Variants in PDIA6 observed in about 807,000 individuals in gnomAD.
The protein encoded by PDIA6 is protein disulfide-isomerase A6.
In PDIA6, 29 loss-of-function variants were observed where a neutral mutation model predicts 58.4. That is an observed-to-expected ratio of 0.50 (90% CI 0.37 to 0.68). The LOEUF (loss-of-function observed/expected upper bound fraction) is 0.68, where lower values mean the gene tolerates loss of function less well. Ranked by LOEUF, PDIA6 falls within the 30% of genes least tolerant of loss-of-function variation. PDIA6 has a pLI of 0.00. For missense variants in PDIA6, 480 were observed against 551.0 expected (o/e 0.87, Z 1.29); for synonymous variants, 192 against 202.6 (o/e 0.95, Z 0.44).
exon 1 of PDIA6, chr2:10,832,367 C>T: frequency 1.0e-6 from 1 of 965,482 alleles, no homozygotes; most frequent in Non-Finnish European, 1.2e-6. Context: ...AATGAGCAAA[C>T]TGCAGCTGCA....
intron 11 of PDIA6, among the ~76,000 whole-genome samples, chr2:10,786,658 T>C (rs1424397110): frequency 2.0e-5 from 3 of 152,192 alleles, no homozygotes; most frequent in Non-Finnish European, 2.9e-5. Flanking sequence ...TTTTGTGTGC[T>C]GAACATCTCT....
chr2:10,794,489 T>A (rs1558443444), intron 4 of PDIA6, among the ~76,000 whole-genome samples: 1 of 141,712 alleles, frequency 7.1e-6, no homozygotes, highest in Non-Finnish European at 1.6e-5. Flanking sequence ...TTTTTTTTTT[T>A]AGAGTTTTCT....
At chr2:10,832,590 G>C (rs925801040), upstream of PDIA6, 1 of 191,712 alleles carries the variant, frequency 5.2e-6, no homozygotes, top group Admixed American at 6.5e-5. Context: ...GGACTCGTGC[G>C]CTTTTCTCTG....
Position 10,802,646 on chromosome 2 carries a change from G to T in PDIA6, c.20-6C>A, listed in dbSNP as rs759759092. 7.0e-7 allele frequency: 1 copy of T among 1,428,696 alleles called. No individual in the cohort carries two copies. Among genetic ancestry groups the T allele is most frequent in the South Asian group, 1.8e-5 (1 of 57,098 alleles). The allele number at this position is 1,428,696 out of a possible 1,614,324, so 88.5% of individuals were successfully genotyped here. On this transcript the variant is annotated splice_polypyrimidine_tract_variant and splice_region_variant and intron_variant, in intron 1 of 12. Transcript: ENST00000272227. The stretch of plus-strand genomic sequence containing the variant: ...GAAGGTACAGCTCACCAGACCTGAA[G>T]ATAAAAACAAAAGTGCACCATTAAC...
In PDIA6 at chr2:10,784,196, C is replaced by G; in HGVS notation, c.*62G>C. ...TCTGAGTGTAGAGAATGTCCCTTCA[C>G]TGCTGGAAAAATCCACTGGCTCCCA... is the stretch of plus-strand genomic sequence containing the variant. On this transcript the variant is annotated 3_prime_UTR_variant, in exon 13 of 13. Transcript: ENST00000272227. 1 of 1,344,886 alleles carries G rather than the reference C, an allele frequency of 7.4e-7. No individual in the cohort carries two copies. Among genetic ancestry groups the G allele is most frequent in the African/African-American group, 1.4e-5 (1 of 69,424 alleles). The allele number at this position is 1,344,886 out of a possible 1,614,324, so 83.3% of individuals were successfully genotyped here. A position where few individuals can be genotyped will look rare whatever the true frequency, so the allele number is the denominator to read the frequency against.
At chr2:10,788,145 G>C in intron 10 of PDIA6, among the ~76,000 whole-genome samples, 1 of 151,350 alleles carries the variant, frequency 6.6e-6, no homozygotes, top group Non-Finnish European at 1.5e-5. Context: ...TAACTCAGAA[G>C]AGGAGAAGGA....
upstream of PDIA6, among the ~76,000 whole-genome samples, chr2:10,836,677 C>T (rs1667838719): frequency 6.6e-6 from 1 of 151,986 alleles, no homozygotes; most frequent in Non-Finnish European, 1.5e-5. Context: ...CTTCATCAGT[C>T]ACCTCAAAAA....
At chr2:10,823,568 A>G (rs1207373996) in intron 1 of PDIA6, among the ~76,000 whole-genome samples, 3 of 152,226 alleles carry the variant, frequency 2.0e-5, no homozygotes, top group African/African-American at 7.2e-5. Context: ...ATTCTTTGGC[A>G]ATTTCTGATA....
intron 1 of PDIA6, chr2:10,810,288 T>A: frequency 6.5e-7 from 1 of 1,535,102 alleles, no homozygotes; most frequent in Non-Finnish European, 8.7e-7. Flanking sequence ...ACCGAAGGGC[T>A]GGAGAATGCA....
chr2:10,820,524 T>C (rs72779459), intron 1 of PDIA6, among the ~76,000 whole-genome samples: 19,548 of 152,294 alleles, frequency 0.13, 1,520 homozygotes, highest in Non-Finnish European at 0.18. Context: ...ATGTCATCGT[T>C]GGCATTCCCC....
At chr2:10,810,302 G>T (rs985524571) in intron 1 of PDIA6, 7 of 1,534,802 alleles carry the variant, frequency 4.6e-6, no homozygotes, top group African/African-American at 2.7e-5. Flanking sequence ...GAATGCAGGG[G>T]TATAATCCAC....
Position 10,788,762 on chromosome 2 carries a change from T to G in PDIA6, c.933A>C (p.Ala311=), listed in dbSNP as rs1303394171. The G allele has an allele frequency of 6.2e-7, 1 of 1,612,042 alleles. No homozygotes were observed. Among genetic ancestry groups the G allele is most frequent in the East Asian group, 2.2e-5 (1 of 44,902 alleles). ...GAACTTCCAGATAAGAATTTCTGCC[T>G]GCAGCTCCTGATTTAAATAGACAAA... The part of the protein sequence containing the change: ...VLPHILDTGA[A]GRNSYLEVLL... Residue 311 remains alanine, a synonymous_variant, in exon 10 of 13, where the codon GCA becomes GCC. Transcript: ENST00000272227.
upstream of PDIA6, among the ~76,000 whole-genome samples, chr2:10,814,785 A>G (rs766276305): frequency 4.3e-4 from 66 of 152,132 alleles, no homozygotes; most frequent in African/African-American, 1.5e-3. Flanking sequence ...CTCACGATCG[A>G]GTTTGTTTTC....
In PDIA6 at chr2:10,790,775, C is replaced by CT; in HGVS notation, c.642dup (p.Val215SerfsTer21). ...GTAGCATCCACAGCTGCCAGTTTCA[C>CT]TTTTCCTTTCGTCTGCTCTTTTACT... On this transcript the variant is annotated frameshift_variant, in exon 7 of 13. Coordinates refer to ENST00000272227, the MANE Select transcript of PDIA6 (RefSeq NM_005742.4). LOFTEE classifies it high-confidence loss of function. 1 of 1,614,216 alleles carries CT rather than the reference C, an allele frequency of 6.2e-7. No homozygotes were observed. The highest frequency in any genetic ancestry group is 8.5e-7 in the Non-Finnish European group (1 of 1,180,020).
Position 10,789,727 on chromosome 2 carries a change from A to G in PDIA6, c.840+22T>C, listed in dbSNP as rs1488686654. Reference sequence around the variant, plus strand: ...ATCAGCTAAAAAAGCTTTCTGGACTACAAGCAGTTGAAGTGGTTTACCTCA... The same window carrying G: ...ATCAGCTAAAAAAGCTTTCTGGACTGCAAGCAGTTGAAGTGGTTTACCTCA... On this transcript the variant is annotated intron_variant, in intron 8 of 12. Coordinates refer to ENST00000272227, the MANE Select transcript of PDIA6 (RefSeq NM_005742.4). The G allele has an allele frequency of 3.1e-6, 5 of 1,609,726 alleles. No individual in the cohort carries two copies. The East Asian group carries it at 1.1e-4, about 36-fold the overall frequency.
At chr2:10,806,622 T>TAAAGACAGAAAGAAAGACAG (rs1666764114) in intron 1 of PDIA6, among the ~76,000 whole-genome samples, 1 of 48,694 alleles carries the variant, frequency 2.1e-5, no homozygotes, top group Non-Finnish European at 6.8e-5. Flanking sequence ...TCCTAAAAAA[T>TAAAGACAGAAAGAAAGACAG]AAAGACAGAA....
intron 1 of PDIA6, chr2:10,823,350 A>T (rs1667457051): frequency 6.6e-6 from 1 of 152,222 alleles, no homozygotes; most frequent in Non-Finnish European, 1.5e-5. Context: ...GACTCCCAGG[A>T]GGTTACTTCT....
chr2:10,837,403 T>C (rs972506767), upstream of PDIA6: 6 of 616,858 alleles, frequency 9.7e-6, no homozygotes, highest in East Asian at 2.8e-5. Flanking sequence ...TTAAAAAACA[T>C]ACGTGAGGAA....
At chr2:10,790,604 T>C in intron 7 of PDIA6, 115 bp downstream of exon 7, 3 of 713,364 alleles carry the variant, frequency 4.2e-6, no homozygotes, top group Non-Finnish European at 7.3e-6. Flanking sequence ...ATCTCTTCAC[T>C]TACAAAATGG....
Sources: allele counts gnomAD v4.1 joint callset (sites outside exome capture counted in the v4.1 genomes callset), GRCh38; gene constraint gnomAD v4.1.1; transcripts MANE v1.5; gene names NCBI Gene and HGNC (gene_info 2026-07-23, HGNC 2026-07-21).